Variants in CDH4 observed in about 807,000 individuals in gnomAD.
The protein encoded by CDH4 is cadherin 4, also known as cadherin-4.
CDH4 carries 33 observed loss-of-function variants against 86.0 expected under a neutral mutation model. The observed-to-expected ratio is 0.38, with a 90% CI of 0.29 to 0.51. The LOEUF (loss-of-function observed/expected upper bound fraction) is 0.51, where lower values mean the gene tolerates loss of function less well. CDH4 is among the 20% of genes least tolerant of loss of function. CDH4 has a pLI of 0.86. For synonymous variants in CDH4, 555 were observed against 549.4 expected (o/e 1.01, Z -0.14); for missense variants, 1,114 against 1,307.4 (o/e 0.85, Z 2.28).
intron 11 of CDH4, among the ~76,000 whole-genome samples, chr20:61,927,247 C>A (rs1291667594): frequency 6.6e-6 from 1 of 152,230 alleles, no homozygotes; most frequent in Non-Finnish European, 1.5e-5. Context: ...GCCGCCACCA[C>A]CGCCGCCTCC....
At chr20:61,457,247 C>T (rs1443551739) in intron 2 of CDH4, among the ~76,000 whole-genome samples, 1 of 152,174 alleles carries the variant, frequency 6.6e-6, no homozygotes, top group Middle Eastern at 3.2e-3. Context: ...ATGTTACCAA[C>T]ATCCCCAGTC....
chr20:61,709,125 C>T lies in CDH4; in HGVS notation c.170-34438C>T, dbSNP rs182325866. Among the ~76,000 whole-genome samples the T allele has an allele frequency of 1.1e-4, 17 of 152,266 alleles. No homozygotes were observed. The highest frequency in any genetic ancestry group is 3.1e-4 in the African/African-American group (13 of 41,552). Reference sequence around the variant, plus strand: ...AAAGCCTCGGGTCCCAGTGGCGTAGCGGCCGCCCAAATGATGAGCCCACAA... The same window carrying T: ...AAAGCCTCGGGTCCCAGTGGCGTAGTGGCCGCCCAAATGATGAGCCCACAA... On this transcript the variant is annotated intron_variant, in intron 2 of 15. Coordinates refer to ENST00000614565, the MANE Select transcript of CDH4 (RefSeq NM_001794.5). The surrounding 1 kb of genome is among the most constrained non-coding windows in gnomAD (Gnocchi z 4.8).
intron 4 of CDH4, among the ~76,000 whole-genome samples, chr20:61,824,032 C>T (rs946701992): frequency 1.3e-5 from 2 of 152,214 alleles, no homozygotes; most frequent in African/African-American, 4.8e-5. Flanking sequence ...CACTGTTAAA[C>T]ACGTCAGCCT....
At chr20:61,395,020 C>T (rs184233316) in intron 2 of CDH4, among the ~76,000 whole-genome samples, 79 of 150,588 alleles carry the variant, frequency 5.2e-4, no homozygotes, top group Non-Finnish European at 8.3e-4. Flanking sequence ...GTTAGAGTCT[C>T]CTGGGAGAAC....
chr20:61,777,879 A>G (rs1978335603), intron 4 of CDH4, among the ~76,000 whole-genome samples: 1 of 151,386 alleles, frequency 6.6e-6, no homozygotes, highest in South Asian at 2.1e-4. Context: ...CGTGCATACT[A>G]TACACACATG....
At chr20:61,602,618 C>T (rs1484890461) in intron 2 of CDH4, among the ~76,000 whole-genome samples, 1 of 143,012 alleles carries the variant, frequency 7.0e-6, no homozygotes, top group Non-Finnish European at 1.5e-5. Context: ...CATTCCAGCT[C>T]TTTGGGGAAA....
At position 61,895,116 on chromosome 20, in the gene CDH4, A is replaced by G. The variant is rs553325921; in HGVS notation, c.1188+69A>G. 4.5e-4 allele frequency: 697 copies of G among 1,552,268 alleles called. 16 individuals carry two copies. In the South Asian group the frequency reaches 8.0e-3, roughly 18 times the overall value. On this transcript the variant is annotated intron_variant, in intron 8 of 15. Transcript: ENST00000614565. The stretch of plus-strand genomic sequence containing the variant: ...GCAGGAATGCACTGGCGTGCGGCAC[A>G]GCCTCCTCTCTCTCTGCGGCTCTGC...
intron 2 of CDH4, among the ~76,000 whole-genome samples, chr20:61,565,258 T>TGG (rs1555809146): frequency 2.9e-5 from 2 of 68,676 alleles, no homozygotes; most frequent in African/African-American, 5.8e-5. Flanking sequence ...CTCTTGGTGA[T>TGG]GGTGGTGGTG....
intron 4 of CDH4, among the ~76,000 whole-genome samples, chr20:61,828,402 T>C (rs771551539): frequency 1.6e-4 from 24 of 152,140 alleles, no homozygotes; most frequent in Non-Finnish European, 2.8e-4. Context: ...AATCTCACCA[T>C]AGGGAGAAGC....
intron 2 of CDH4, among the ~76,000 whole-genome samples, chr20:61,687,257 C>T (rs142647231): frequency 1.6e-4 from 25 of 152,344 alleles, no homozygotes; most frequent in African/African-American, 5.5e-4. Flanking sequence ...AGACATCATC[C>T]ACTGGACTGA....
chr20:61,521,662 C>G (rs557149458), intron 2 of CDH4, among the ~76,000 whole-genome samples: 1 of 152,294 alleles, frequency 6.6e-6, no homozygotes, highest in South Asian at 2.1e-4. Context: ...ATGAGCCTGG[C>G]TGAAACTAGC....
intron 2 of CDH4, among the ~76,000 whole-genome samples, chr20:61,538,287 C>T (rs1343983491): frequency 6.6e-6 from 1 of 152,158 alleles, no homozygotes; most frequent in Non-Finnish European, 1.5e-5. Flanking sequence ...CAGCTGTGCC[C>T]GTCACTCTGG....
chr20:61,425,063 A>T (rs1475330473), intron 2 of CDH4, among the ~76,000 whole-genome samples: 1 of 152,202 alleles, frequency 6.6e-6, no homozygotes, highest in Non-Finnish European at 1.5e-5. Context: ...TGTGCCAGGC[A>T]TAGGTGGACC....
intron 4 of CDH4, among the ~76,000 whole-genome samples, chr20:61,843,361 A>G (rs2146099869): frequency 6.7e-6 from 1 of 149,132 alleles, no homozygotes; most frequent in African/African-American, 2.4e-5. Context: ...GAGGCAGGAG[A>G]ATGGCGTGAA....
chr20:61,587,212 C>T (rs750160197), intron 2 of CDH4, among the ~76,000 whole-genome samples: 1 of 152,148 alleles, frequency 6.6e-6, no homozygotes, highest in Non-Finnish European at 1.5e-5. Context: ...GAGTGGGAAA[C>T]CCACGGGGAA....
chr20:61,566,359 G>A (rs1165067869), intron 2 of CDH4, among the ~76,000 whole-genome samples: 3 of 152,300 alleles, frequency 2.0e-5, no homozygotes, highest in East Asian at 3.9e-4. Context: ...TTTTCTCAGG[G>A]ACCATTTTCA....
At chr20:61,680,739 ACT>A (rs551508594) in intron 2 of CDH4, among the ~76,000 whole-genome samples, 298 of 152,100 alleles carry the variant, frequency 2.0e-3, no homozygotes, top group Admixed American at 4.3e-3. Context: ...TGGAGCGTTG[ACT>A]CTGTAGAGAA....
intron 2 of CDH4, among the ~76,000 whole-genome samples, chr20:61,591,223 TTGA>T (rs1302726460): frequency 1.3e-5 from 2 of 152,238 alleles, no homozygotes; most frequent in Admixed American, 1.3e-4. Context: ...GCCAAACCTG[TTGA>T]TAATTACCAT....
Position 61,692,293 on chromosome 20 carries a change from CTG to C in CDH4, c.170-51258_170-51257del, listed in dbSNP as rs536903165. On this transcript the variant is annotated intron_variant, in intron 2 of 15. Coordinates refer to ENST00000614565, the MANE Select transcript of CDH4 (RefSeq NM_001794.5). ...TGTGTCTTTGTGTGTGTGTGTGTGTCTGTGTGTGTGTGTATGTAACTTGTTTT... is the reference window on the plus strand; with the variant it reads ...TGTGTCTTTGTGTGTGTGTGTGTGTCTGTGTGTGTGTATGTAACTTGTTTT... Among the ~76,000 whole-genome samples the C allele has an allele frequency of 4.3e-3, 648 of 149,380 alleles. 6 individuals are homozygous for C. Among genetic ancestry groups the C allele is most frequent in the Non-Finnish European group, 7.1e-3 (479 of 67,292 alleles).
Sources: allele counts gnomAD v4.1 joint callset (sites outside exome capture counted in the v4.1 genomes callset), GRCh38; gene constraint gnomAD v4.1.1; non-coding constraint Gnocchi (gnomAD v3.1); transcripts MANE v1.5; gene names NCBI Gene and HGNC (gene_info 2026-07-23, HGNC 2026-07-21).